Variants in TMEM255B observed in about 807,000 individuals in gnomAD.
TMEM255B encodes transmembrane protein 255B.
In TMEM255B, 35 loss-of-function variants were observed where a neutral mutation model predicts 34.5. The observed-to-expected ratio is 1.01, with a 90% CI of 0.77 to 1.34. The LOEUF is 1.34. Among genes scored for constraint, TMEM255B ranks in the 40% most tolerant of loss-of-function variants. The pLI is 0.00. For synonymous variants in TMEM255B, 206 were observed against 201.2 expected (o/e 1.02, Z -0.20); for missense variants, 432 against 433.2 (o/e 1.00, Z 0.02).
Position 113,806,438 on chromosome 13 carries a change from A to G in TMEM255B, c.813+1410A>G, listed in dbSNP as rs539641704. The stretch of plus-strand genomic sequence containing the variant: ...CCTGACAACATCTCCTCGTGGAGGG[A>G]TCCCTGCACCTCATACCTCAGTCTC... On this transcript the variant is annotated intron_variant, in intron 8 of 8. Transcript: ENST00000375353. The surrounding 1 kb of genome is among the most constrained non-coding windows in gnomAD (Gnocchi z 4.2). Among the ~76,000 whole-genome samples the G allele has an allele frequency of 9.2e-5, 14 of 152,138 alleles. No homozygotes were observed. The highest frequency in any genetic ancestry group is 3.1e-4 in the African/African-American group (13 of 41,498).
At chr13:113,787,199 G>A (rs1477499406) in intron 3 of TMEM255B, among the ~76,000 whole-genome samples, 1 of 152,192 alleles carries the variant, frequency 6.6e-6, no homozygotes, top group Non-Finnish European at 1.5e-5. Context: ...CACGCGCAGG[G>A]GTGTTTTCGG....
In TMEM255B at chr13:113,811,157, C is replaced by T. The variant is rs571996665; in HGVS notation, c.814-579C>T. 9.0e-5 allele frequency among the ~76,000 whole-genome samples: 9 copies of T among 100,378 alleles called. 1 individual carries two copies. The highest frequency in any genetic ancestry group is 1.8e-4 in the Non-Finnish European group (9 of 48,952). 65.9% of individuals were successfully genotyped at this position (100,378 alleles called of 152,430 possible). Reference sequence around the variant, plus strand: ...GCCCTGGGTCTGTGGGGTGGGGGCCCGTGAGAGTGGTCCTGGGTCTGTGGG... The same window carrying T: ...GCCCTGGGTCTGTGGGGTGGGGGCCTGTGAGAGTGGTCCTGGGTCTGTGGG... On this transcript the variant is annotated intron_variant, in intron 8 of 8. Coordinates refer to ENST00000375353, the MANE Select transcript of TMEM255B (RefSeq NM_182614.4).
chr13:113,805,126 C>T (rs1054355779), intron 8 of TMEM255B, 98 bp downstream of exon 8: 24 of 1,320,652 alleles, frequency 1.8e-5, no homozygotes, highest in Middle Eastern at 2.2e-4. Flanking sequence ...GTCTTGCAGC[C>T]GCCTCACCTT....
rs781734844 is a variant in TMEM255B at position 113,806,822 on chromosome 13, G to A, written c.813+1794G>A. On this transcript the variant is annotated intron_variant, in intron 8 of 8. Coordinates refer to ENST00000375353, the MANE Select transcript of TMEM255B (RefSeq NM_182614.4). This position sits in a 1 kb window ranked among gnomAD's most constrained non-coding sequence, Gnocchi z 4.2. ...AAGCCCAGAACTGGAGGCCCGCAGG[G>A]GTAGAAGGAGGAGGCCCGCAGGGGC... Among the ~76,000 whole-genome samples, 1 of 105,748 alleles carries A rather than the reference G, an allele frequency of 9.5e-6. No individual in the cohort carries two copies. The highest frequency in any genetic ancestry group is 2.1e-5 in the Non-Finnish European group (1 of 48,680). 69.4% of individuals were successfully genotyped at this position (105,748 alleles called of 152,430 possible).
chr13:113,773,260 C>T (rs1341509016), intron 3 of TMEM255B, among the ~76,000 whole-genome samples: 1 of 152,194 alleles, frequency 6.6e-6, no homozygotes, highest in Non-Finnish European at 1.5e-5. Context: ...TTTAGAAATA[C>T]TGTTGACTTT....
Position 113,806,156 on chromosome 13 carries a change from G to A in TMEM255B, c.813+1128G>A, listed in dbSNP as rs899012512. On this transcript the variant is annotated intron_variant, in intron 8 of 8. Coordinates refer to ENST00000375353, the MANE Select transcript of TMEM255B (RefSeq NM_182614.4). This position sits in a 1 kb window ranked among gnomAD's most constrained non-coding sequence, Gnocchi z 4.2. ...AGGCCTGTGCACACTCTGCCCTCAC[G>A]TCCAGGACAGAGAGGGCTCAGGTTT... 3.3e-5 allele frequency among the ~76,000 whole-genome samples: 5 copies of A among 152,134 alleles called. No homozygotes were observed. The highest frequency in any genetic ancestry group is 9.7e-5 in the African/African-American group (4 of 41,424).
At chr13:113,760,995 GC>G (rs1402867078) in intron 1 of TMEM255B, among the ~76,000 whole-genome samples, 8 of 152,142 alleles carry the variant, frequency 5.3e-5, no homozygotes, top group African/African-American at 1.9e-4. Flanking sequence ...TAGTCTTTCT[GC>G]TTTGGGGTAC....
At chr13:113,761,495 G>T in intron 1 of TMEM255B, 1 of 460,162 alleles carries the variant, frequency 2.2e-6, no homozygotes, top group Non-Finnish European at 2.9e-6. Context: ...TCCTAGATGG[G>T]CTGCACCTGG....
chr13:113,813,773 T>C lies in TMEM255B; in HGVS notation c.*1870T>C, dbSNP rs535759458. 9.2e-5 allele frequency: 14 copies of C among 152,310 alleles called. No homozygotes were observed. In the East Asian group the frequency reaches 2.7e-3, roughly 30 times the overall value. 9.4% of individuals were successfully genotyped at this position (152,310 alleles called of 1,614,324 possible). On this transcript the variant is annotated 3_prime_UTR_variant, in exon 9 of 9. Coordinates refer to ENST00000375353, the MANE Select transcript of TMEM255B (RefSeq NM_182614.4). ...TGAACCCGCCACTGCTTGTCATTTTTATCTTATAAAATCCAGCCTCACAAG... is the reference window on the plus strand; with the variant it reads ...TGAACCCGCCACTGCTTGTCATTTTCATCTTATAAAATCCAGCCTCACAAG...
At chr13:113,800,100 G>A (rs1445548095) in intron 5 of TMEM255B, 3 of 1,171,014 alleles carry the variant, frequency 2.6e-6, no homozygotes, top group Middle Eastern at 3.9e-4. Flanking sequence ...GTGTGTGGGG[G>A]GGGGTAGGCA....
chr13:113,793,251 G>C (rs965240524), intron 3 of TMEM255B, among the ~76,000 whole-genome samples: 3 of 152,354 alleles, frequency 2.0e-5, no homozygotes, highest in African/African-American at 7.2e-5. Context: ...GCTCAGGGGT[G>C]TCGGCCAGCT....
chr13:113,791,556 C>A (rs765375071), intron 3 of TMEM255B, among the ~76,000 whole-genome samples: 1 of 152,160 alleles, frequency 6.6e-6, no homozygotes, highest in Non-Finnish European at 1.5e-5. Flanking sequence ...AGGGTGGTGA[C>A]TCAACCAGGA....
intron 7 of TMEM255B, among the ~76,000 whole-genome samples, chr13:113,802,807 G>A (rs1594163089): frequency 1.4e-5 from 2 of 148,052 alleles, no homozygotes; most frequent in South Asian, 2.1e-4. Flanking sequence ...CCACCCAGTG[G>A]CCCCCCAAGC....
intron 3 of TMEM255B, among the ~76,000 whole-genome samples, chr13:113,774,169 G>A (rs566285782): frequency 6.7e-6 from 1 of 150,334 alleles, no homozygotes; most frequent in Non-Finnish European, 1.5e-5. Context: ...AATGCCAGAC[G>A]TGGCATCATT....
Position 113,811,851 on chromosome 13 carries a change from A to G in TMEM255B, c.929A>G (p.Tyr310Cys). ...CTTCCCGGCCAGGCTCCACCGTGCT[A>G]CGCACCCACCTACTTTCCCCCGGGG... ...SGLPGQAPPC[Y>C]APTYFPPGEK... Residue 310 changes from tyrosine to cysteine, a missense_variant, in exon 9 of 9, where the codon TAC becomes TGC. Coordinates refer to ENST00000375353, the MANE Select transcript of TMEM255B (RefSeq NM_182614.4). 6.2e-7 allele frequency: 1 copy of G among 1,613,550 alleles called. No homozygotes were observed. The highest frequency in any genetic ancestry group is 8.5e-7 in the Non-Finnish European group (1 of 1,179,772).
intron 7 of TMEM255B, chr13:113,803,105 C>G (rs2051097348): frequency 6.8e-6 from 1 of 148,076 alleles, no homozygotes; most frequent in African/African-American, 2.5e-5. Flanking sequence ...GCGCCATGCT[C>G]GCCACACAGG....
intron 8 of TMEM255B, among the ~76,000 whole-genome samples, chr13:113,805,509 G>A (rs1199636727): frequency 1.3e-5 from 2 of 152,224 alleles, no homozygotes; most frequent in Non-Finnish European, 2.9e-5. Flanking sequence ...GGTGGGGGGC[G>A]AGCAGGACAG....
At chr13:113,804,728 G>A (rs878920626) in intron 7 of TMEM255B, among the ~76,000 whole-genome samples, 157 bp from the exon 8 acceptor site, 3 of 147,648 alleles carry the variant, frequency 2.0e-5, no homozygotes, top group Admixed American at 6.8e-5. Flanking sequence ...ACGCCGGGCC[G>A]GCGTTAGCTC....
intron 3 of TMEM255B, among the ~76,000 whole-genome samples, chr13:113,784,291 C>T (rs191522952): frequency 5.9e-5 from 9 of 152,214 alleles, no homozygotes; most frequent in African/African-American, 1.2e-4. Context: ...ATAAAGAGGA[C>T]AATTAACCTG....
Sources: allele counts gnomAD v4.1 joint callset (sites outside exome capture counted in the v4.1 genomes callset), GRCh38; gene constraint gnomAD v4.1.1; non-coding constraint Gnocchi (gnomAD v3.1); transcripts MANE v1.5; gene names NCBI Gene and HGNC (gene_info 2026-07-23, HGNC 2026-07-21).